The following SNX24 variants were observed in gnomAD, a reference collection of about 807,000 sequenced individuals.
SNX24 encodes sorting nexin 24.
Under a neutral mutation model 28.7 loss-of-function variants are expected in SNX24, and 22 were observed. The ratio of observed to expected loss-of-function variants is 0.77; its 90% CI spans 0.55 to 1.10. SNX24 has a LOEUF of 1.10. Ranked by LOEUF, SNX24 falls within the 50% of genes least tolerant of loss-of-function variation. The pLI is 0.00. For synonymous variants in SNX24, 69 were observed against 71.5 expected (o/e 0.96, Z 0.18); for missense variants, 221 against 201.1 (o/e 1.10, Z -0.60).
intron 3 of SNX24, among the ~76,000 whole-genome samples, chr5:122,996,455 G>GGATACTCAGCTTTTATCT (rs1191283917): frequency 8.5e-5 from 13 of 152,160 alleles, no homozygotes. Context: ...CCAGCAAGCA[G>GGATACTCAGCTTTTATCT]GATACTCAGC....
chr5:122,857,723 C>T (rs1279264609), intron 1 of SNX24, among the ~76,000 whole-genome samples: 3 of 152,124 alleles, frequency 2.0e-5, no homozygotes, highest in Admixed American at 2.0e-4. Flanking sequence ...ATCCATGTTC[C>T]TGCAAAGGAC....
intron 3 of SNX24, among the ~76,000 whole-genome samples, chr5:122,994,993 CG>C (rs1762001854): frequency 6.6e-6 from 1 of 152,162 alleles, no homozygotes; most frequent in East Asian, 1.9e-4. Context: ...CCATTTCCTA[CG>C]TGCACCATAA....
downstream of SNX24, chr5:123,009,253 ATCTG>A (rs1185274548): frequency 1.4e-5 from 14 of 982,788 alleles, no homozygotes; most frequent in South Asian, 3.3e-4. Flanking sequence ...CATGGTTTGT[ATCTG>A]TCTGTTTACA....
Position 123,007,659 on chromosome 5 carries a change from CTTT to C in SNX24, c.443-14_443-12del. The C allele has an allele frequency of 8.7e-7, 1 of 1,153,108 alleles. No individual in the cohort carries two copies. Among genetic ancestry groups the C allele is most frequent in the Non-Finnish European group, 1.2e-6 (1 of 840,328 alleles). 71.4% of individuals were successfully genotyped at this position (1,153,108 alleles called of 1,614,324 possible). Reference sequence around the variant, plus strand: ...GAAAAGCAGTTTTTCTTTTTTTTTTCTTTTTTTTTTTCTTTTTTTCAGATTTTC... The same window carrying C: ...GAAAAGCAGTTTTTCTTTTTTTTTTCTTTTTTTTCTTTTTTTCAGATTTTC... On this transcript the variant is annotated intron_variant, in intron 6 of 6. Coordinates refer to ENST00000261369, the MANE Select transcript of SNX24 (RefSeq NM_014035.4).
At chr5:122,877,689 G>A (rs2150057582) in intron 1 of SNX24, among the ~76,000 whole-genome samples, 1 of 152,268 alleles carries the variant, frequency 6.6e-6, no homozygotes, top group African/African-American at 2.4e-5. Flanking sequence ...CCTACAGGAA[G>A]CCTATCCCAT....
intron 3 of SNX24, among the ~76,000 whole-genome samples, chr5:122,978,977 T>TA (rs1296813343): frequency 6.6e-6 from 1 of 152,352 alleles, no homozygotes; most frequent in South Asian, 2.1e-4. Flanking sequence ...CTGTTGATGT[T>TA]ACTGTTTTGA....
intron 1 of SNX24, among the ~76,000 whole-genome samples, chr5:122,871,566 G>A (rs200414048): frequency 3.9e-5 from 6 of 152,018 alleles, no homozygotes; most frequent in East Asian, 1.9e-4. Flanking sequence ...TCAGGAGTTC[G>A]AGACCAGCCT....
intron 1 of SNX24, among the ~76,000 whole-genome samples, chr5:122,847,502 C>CTTTTTTTTTTTTTT (rs1183386656): frequency 2.3e-5 from 3 of 130,792 alleles, no homozygotes; most frequent in African/African-American, 2.9e-5. Context: ...CTCTCTCTCT[C>CTTTTTTTTTTTTTT]TTTTTTTTTT....
At chr5:122,954,659 C>T (rs1760126508) in intron 3 of SNX24, among the ~76,000 whole-genome samples, 1 of 151,972 alleles carries the variant, frequency 6.6e-6, no homozygotes, top group Non-Finnish European at 1.5e-5. Flanking sequence ...TCTGGGTTGA[C>T]AGTTCTTGTC....
At chr5:122,871,978 AG>A (rs2150052477) in intron 1 of SNX24, among the ~76,000 whole-genome samples, 1 of 151,944 alleles carries the variant, frequency 6.6e-6, no homozygotes, top group African/African-American at 2.4e-5. Context: ...ATCTTCTGTA[AG>A]GATTTCTTGT....
At chr5:122,847,498 C>CTTTTT (rs1205586830) in intron 1 of SNX24, among the ~76,000 whole-genome samples, 15 of 41,264 alleles carry the variant, frequency 3.6e-4, no homozygotes, top group Non-Finnish European at 7.4e-5. Context: ...AAATCTCTCT[C>CTTTTT]TCTCTTTTTT....
At chr5:122,878,515 G>C (rs1756332036) in intron 1 of SNX24, among the ~76,000 whole-genome samples, 1 of 152,156 alleles carries the variant, frequency 6.6e-6, no homozygotes, top group Non-Finnish European at 1.5e-5. Context: ...AGTACTTCAA[G>C]GTCAAGGAAT....
In SNX24 at chr5:122,902,237, A is replaced by G. The variant is rs983252884; in HGVS notation, c.61-34497A>G. On this transcript the variant is annotated intron_variant, in intron 1 of 6. Transcript: ENST00000261369. Reference sequence around the variant, plus strand: ...TGAGTTTGCCTTTCTGAATATTTCTATTGCCTCTTGGCTCTCTATAGCCTG... The same window carrying G: ...TGAGTTTGCCTTTCTGAATATTTCTGTTGCCTCTTGGCTCTCTATAGCCTG... Among the ~76,000 whole-genome samples the G allele has an allele frequency of 2.6e-5, 4 of 152,044 alleles. No homozygotes were observed. The East Asian group carries it at 5.8e-4, about 22-fold the overall frequency.
intron 1 of SNX24, among the ~76,000 whole-genome samples, chr5:122,846,502 AAAGATTGC>A (rs1754641984): frequency 6.6e-6 from 1 of 152,254 alleles, no homozygotes; most frequent in South Asian, 2.1e-4. Context: ...AGGGTTGAAG[AAAGATTGC>A]AGGGCAGTCT....
chr5:122,946,636 C>T (rs1008525955), intron 3 of SNX24, among the ~76,000 whole-genome samples: 3 of 152,098 alleles, frequency 2.0e-5, no homozygotes, highest in Non-Finnish European at 2.9e-5. Context: ...GTGCCAACCT[C>T]TTTGAAAATT....
At chr5:122,971,689 T>A (rs1202891055) in intron 3 of SNX24, among the ~76,000 whole-genome samples, 2 of 152,194 alleles carry the variant, frequency 1.3e-5, no homozygotes, top group Non-Finnish European at 2.9e-5. Context: ...GGAAATAAAA[T>A]GAAGATATTT....
chr5:122,906,849 C>G (rs778191460), intron 1 of SNX24, among the ~76,000 whole-genome samples: 1 of 152,148 alleles, frequency 6.6e-6, no homozygotes, highest in Non-Finnish European at 1.5e-5. Context: ...GTGAGGCACA[C>G]AGAAGTGAAG....
intron 1 of SNX24, among the ~76,000 whole-genome samples, chr5:122,897,641 A>C (rs921668552): frequency 6.6e-5 from 10 of 152,246 alleles, no homozygotes; most frequent in African/African-American, 2.4e-4. Flanking sequence ...ATTAACGTGC[A>C]ATGAATATGT....
At chr5:122,937,712 T>C (rs906005942) in intron 2 of SNX24, among the ~76,000 whole-genome samples, 1 of 152,168 alleles carries the variant, frequency 6.6e-6, no homozygotes, top group East Asian at 1.9e-4. Flanking sequence ...CAAGGGATAA[T>C]CCACATCTAG....
Sources: gnomAD v4.1 joint callset for allele counts (sites outside exome capture counted in the v4.1 genomes callset) on GRCh38, gnomAD v4.1.1 for gene constraint, MANE v1.5 for transcripts, NCBI Gene and HGNC (gene_info 2026-07-23, HGNC 2026-07-21) for gene names.